The following OMA1 variants were observed in gnomAD, a reference collection of about 807,000 sequenced individuals.
OMA1 encodes the protein metalloendopeptidase OMA1, mitochondrial.
Under a neutral mutation model 30.9 loss-of-function variants are expected in OMA1, and 38 were observed. That is an observed-to-expected ratio of 1.23 (90% CI 0.95 to 1.61). The LOEUF (loss-of-function observed/expected upper bound fraction) is 1.61, where lower values mean the gene tolerates loss of function less well. OMA1 is among the 40% of genes most tolerant of loss of function. The pLI, the probability that OMA1 is intolerant of heterozygous loss-of-function variation, is 0.00. For synonymous variants in OMA1, 173 were observed against 121.9 expected, an observed-to-expected ratio of 1.42 and a Z score of -2.76; for missense variants, 461 against 349.2, an observed-to-expected ratio of 1.32 and a Z score of -2.55.
chr1:58,537,264 T>A (rs1003951370), intron 2 of OMA1, among the ~76,000 whole-genome samples: 1 of 152,112 alleles, frequency 6.6e-6, no homozygotes, highest in African/African-American at 2.4e-5. Flanking sequence ...CCTAAATAAT[T>A]ATGTAAGAGG....
intron 8 of OMA1, among the ~76,000 whole-genome samples, chr1:58,490,788 C>G (rs1427137625): frequency 3.2e-5 from 4 of 126,702 alleles, no homozygotes; most frequent in Non-Finnish European, 6.6e-5. Context: ...GGCCAATAGT[C>G]AACATTCTTT....
In OMA1 at chr1:58,530,461, A is replaced by G. The variant is rs1247510484; in HGVS notation, c.1140+140T>C. 4 of 540,726 alleles carry G rather than the reference A, an allele frequency of 7.4e-6. No individual in the cohort carries two copies. The African/African-American group carries it at 7.5e-5, about 10-fold the overall frequency. The allele number at this position is 540,726 out of a possible 1,614,324, so 33.5% of individuals were successfully genotyped here. A position where few individuals can be genotyped will look rare whatever the true frequency, so the allele number is the denominator to read the frequency against. On this transcript the variant is annotated intron_variant, in intron 6 of 8. Transcript: ENST00000371226. Reference sequence around the variant, plus strand: ...TATATAAGAATATCCCCTAAAAACGAGAAAACATAAGACACTAAAAATTCG... The same window carrying G: ...TATATAAGAATATCCCCTAAAAACGGGAAAACATAAGACACTAAAAATTCG...
At chr1:58,520,847 C>G (rs1029221713) in intron 7 of OMA1, among the ~76,000 whole-genome samples, 1 of 152,120 alleles carries the variant, frequency 6.6e-6, no homozygotes, top group Non-Finnish European at 1.5e-5. Flanking sequence ...AAAGAAAAAT[C>G]TACAACCATA....
At chr1:58,494,477 AG>A (rs1645758290) in intron 8 of OMA1, among the ~76,000 whole-genome samples, 1 of 152,248 alleles carries the variant, frequency 6.6e-6, no homozygotes, top group Non-Finnish European at 1.5e-5. Flanking sequence ...CAGAGTGAAC[AG>A]GCAACCTACA....
chr1:58,481,772 G>C (rs1645487895), intron 8 of OMA1, among the ~76,000 whole-genome samples: 1 of 152,114 alleles, frequency 6.6e-6, no homozygotes, highest in Non-Finnish European at 1.5e-5. Flanking sequence ...TAAGTCTCAC[G>C]AGATCTGATG....
intron 8 of OMA1, among the ~76,000 whole-genome samples, chr1:58,498,252 AAC>A: frequency 6.6e-6 from 1 of 152,162 alleles, no homozygotes; most frequent in East Asian, 1.9e-4. Flanking sequence ...AAAAAAAAAA[AAC>A]AACTTTTTCC....
At chr1:58,532,999 T>C (rs543989657) in intron 5 of OMA1, among the ~76,000 whole-genome samples, 1 of 152,336 alleles carries the variant, frequency 6.6e-6, no homozygotes, top group African/African-American at 2.4e-5. Context: ...CCATTTGAAG[T>C]TAATGTTACT....
At chr1:58,509,642 G>A (rs113470887) in intron 7 of OMA1, among the ~76,000 whole-genome samples, 4 of 145,914 alleles carry the variant, frequency 2.7e-5, no homozygotes, top group African/African-American at 1.0e-4. Flanking sequence ...CAGAAGGAGG[G>A]AAATAATAAA....
chr1:58,495,075 A>G (rs1419412922), intron 8 of OMA1, among the ~76,000 whole-genome samples: 1 of 152,230 alleles, frequency 6.6e-6, no homozygotes, highest in East Asian at 1.9e-4. Flanking sequence ...TACAGCATGG[A>G]ATACTATGCA....
rs1454559983 is a variant in OMA1, at chr1:58,538,921, AG to A, written c.373del (p.Leu125Ter). The stretch of plus-strand genomic sequence containing the variant: ...AATAGCTCTTATGGAAGCAGGGCTT[AG>A]AGGATGCAATACTGACAGACTAGGG... ...AVPSLSVLHP[L>X]SPASIRAIRN... On this transcript the variant is annotated frameshift_variant, in exon 2 of 9. Transcript: ENST00000371226. LOFTEE classifies it high-confidence loss of function. 19 of 872,800 alleles carry A rather than the reference AG, an allele frequency of 2.2e-5. No homozygotes were observed. The highest frequency in any genetic ancestry group is 3.8e-5 in the Non-Finnish European group (19 of 501,656). The allele number at this position is 872,800 out of a possible 1,614,324, so 54.1% of individuals were successfully genotyped here. A position where few individuals can be genotyped will look rare whatever the true frequency, so the allele number is the denominator to read the frequency against.
At chr1:58,540,874 A>C (rs544111562) in intron 1 of OMA1, among the ~76,000 whole-genome samples, 75 of 152,236 alleles carry the variant, frequency 4.9e-4, no homozygotes, top group African/African-American at 1.8e-3. Flanking sequence ...AAAATTATAA[A>C]ACCACAAATT....
At chr1:58,543,221 G>C (rs1038996884) in intron 1 of OMA1, among the ~76,000 whole-genome samples, 1 of 152,146 alleles carries the variant, frequency 6.6e-6, no homozygotes. Context: ...TGATCTCTAA[G>C]ACGTTTACAT....
chr1:58,530,513 A>C, intron 6 of OMA1, 88 bp downstream of exon 6: 1 of 723,508 alleles, frequency 1.4e-6, no homozygotes, highest in Non-Finnish European at 2.4e-6. Context: ...TAAAATGTAA[A>C]AACATCTCTG....
chr1:58,513,010 A>C (rs1380485937), intron 7 of OMA1, among the ~76,000 whole-genome samples: 1 of 152,212 alleles, frequency 6.6e-6, no homozygotes, highest in East Asian at 1.9e-4. Flanking sequence ...AAAGTATTAT[A>C]GAAAACTAAG....
At chr1:58,488,813 T>G (rs963870221) in intron 8 of OMA1, among the ~76,000 whole-genome samples, 1 of 152,262 alleles carries the variant, frequency 6.6e-6, no homozygotes, top group Admixed American at 6.5e-5. Flanking sequence ...CAAAGTCCAC[T>G]GTATACGTCT....
intron 8 of OMA1, among the ~76,000 whole-genome samples, chr1:58,496,094 C>G (rs895057577): frequency 2.6e-5 from 4 of 151,842 alleles, no homozygotes; most frequent in Non-Finnish European, 4.4e-5. Flanking sequence ...AAGACATGTA[C>G]AAATGTATCT....
chr1:58,519,568 C>G (rs1375496946), intron 7 of OMA1, among the ~76,000 whole-genome samples: 2 of 151,968 alleles, frequency 1.3e-5, no homozygotes, highest in Non-Finnish European at 2.9e-5. Flanking sequence ...ACAGAGAATA[C>G]CTCTGATGGA....
intron 1 of OMA1, among the ~76,000 whole-genome samples, chr1:58,544,977 C>T (rs1557462532): frequency 6.6e-6 from 1 of 152,146 alleles, no homozygotes. Context: ...CTGGGCTCAA[C>T]TGATCATACT....
chr1:58,521,798 C>A (rs1646268764), intron 7 of OMA1, among the ~76,000 whole-genome samples: 1 of 151,968 alleles, frequency 6.6e-6, no homozygotes, highest in Non-Finnish European at 1.5e-5. Context: ...ATCTTCAGGC[C>A]CATATGGCTT....
Sources: allele counts gnomAD v4.1 joint callset (sites outside exome capture counted in the v4.1 genomes callset), GRCh38; gene constraint gnomAD v4.1.1; transcripts MANE v1.5; gene names NCBI Gene and HGNC (gene_info 2026-07-23, HGNC 2026-07-21).